PKIA: variants seen among roughly 807,000 people sequenced by gnomAD.
The protein encoded by PKIA is PKI-alpha.
A neutral mutation model predicts 7.6 loss-of-function variants in PKIA; 4 were observed. The observed-to-expected ratio is 0.52, with a 90% CI of 0.26 to 1.20. PKIA has a LOEUF of 1.20. Ranked by LOEUF, PKIA falls within the 50% of genes most tolerant of loss-of-function variation. PKIA has a pLI of 0.13. For synonymous variants in PKIA, 21 were observed against 30.7 expected, an observed-to-expected ratio of 0.68 and a Z score of 1.04; for missense variants, 73 against 86.2, an observed-to-expected ratio of 0.85 and a Z score of 0.61.
chr8:78,587,598 G>C (rs1475342456), intron 2 of PKIA, among the ~76,000 whole-genome samples: 1 of 152,054 alleles, frequency 6.6e-6, no homozygotes, highest in Non-Finnish European at 1.5e-5. Context: ...AAAAGCCCTA[G>C]CAAAAGGACA....
At chr8:78,542,495 A>T (rs1806717930) in intron 1 of PKIA, among the ~76,000 whole-genome samples, 1 of 152,186 alleles carries the variant, frequency 6.6e-6, no homozygotes, top group African/African-American at 2.4e-5. Flanking sequence ...TCAGAAATTA[A>T]GATATTGTAA....
intron 1 of PKIA, among the ~76,000 whole-genome samples, chr8:78,550,446 G>A (rs188023284): frequency 6.6e-6 from 1 of 152,124 alleles, no homozygotes; most frequent in Non-Finnish European, 1.5e-5. Context: ...AAGTGATCTT[G>A]AAAAAGGGTG....
intron 1 of PKIA, among the ~76,000 whole-genome samples, chr8:78,521,421 C>T (rs1463914076): frequency 6.6e-6 from 1 of 151,884 alleles, no homozygotes; most frequent in Non-Finnish European, 1.5e-5. Flanking sequence ...AGATTCTCAG[C>T]TGATACTTAA....
At chr8:78,569,448 A>G (rs1807497367) in intron 1 of PKIA, among the ~76,000 whole-genome samples, 1 of 152,150 alleles carries the variant, frequency 6.6e-6, no homozygotes. Context: ...TGTTGCCAGT[A>G]TGGTGTCAGC....
intron 1 of PKIA, among the ~76,000 whole-genome samples, chr8:78,565,650 C>A (rs1227213448): frequency 1.3e-5 from 2 of 151,876 alleles, no homozygotes; most frequent in African/African-American, 4.8e-5. Flanking sequence ...TTCTCTCTCC[C>A]TCTTTCTCTT....
chr8:78,575,069 AAGGGTT>A, intron 2 of PKIA, among the ~76,000 whole-genome samples: 1 of 152,098 alleles, frequency 6.6e-6, no homozygotes, highest in South Asian at 2.1e-4. Flanking sequence ...ATTAATGTCT[AAGGGTT>A]ATCTTCGGTA....
intron 2 of PKIA, among the ~76,000 whole-genome samples, chr8:78,575,698 C>A (rs1317315769): frequency 1.3e-5 from 2 of 151,944 alleles, no homozygotes; most frequent in South Asian, 2.1e-4. Flanking sequence ...ATGCCAAAAT[C>A]TTTTTCAAAG....
At chr8:78,591,250 T>C (rs1808086924) in intron 2 of PKIA, 1 of 152,678 alleles carries the variant, frequency 6.5e-6, no homozygotes. Context: ...AATCCATCGA[T>C]GTGGAACACT....
chr8:78,576,019 T>G (rs918743466), intron 2 of PKIA, among the ~76,000 whole-genome samples: 1 of 152,042 alleles, frequency 6.6e-6, no homozygotes, highest in Non-Finnish European at 1.5e-5. Flanking sequence ...TTTCGCTGTT[T>G]GCACGCATCC....
At chr8:78,598,188 T>C (rs1808272325) in intron 2 of PKIA, among the ~76,000 whole-genome samples, 170 bp from the exon 3 acceptor site, 2 of 151,018 alleles carry the variant, frequency 1.3e-5, no homozygotes, top group Admixed American at 1.3e-4. Context: ...AATATGTACA[T>C]TAAAGGTTCC....
At chr8:78,600,313 T>C (rs1190327430) in intron 3 of PKIA, among the ~76,000 whole-genome samples, 2 of 149,662 alleles carry the variant, frequency 1.3e-5, no homozygotes, top group Non-Finnish European at 2.9e-5. Context: ...TTCGTAAATG[T>C]TTCAGCTTCA....
At chr8:78,535,518 G>A (rs1287561083) in intron 1 of PKIA, 1 of 151,646 alleles carries the variant, frequency 6.6e-6, no homozygotes, top group African/African-American at 2.4e-5. Context: ...CTGGTTTGTG[G>A]TTCACATTTG....
intron 2 of PKIA, among the ~76,000 whole-genome samples, chr8:78,596,440 T>C (rs1004149544): frequency 1.4e-4 from 21 of 152,094 alleles, no homozygotes; most frequent in Admixed American, 9.2e-4. Context: ...GATTTCACCA[T>C]GTTGGTCAGG....
intron 1 of PKIA, among the ~76,000 whole-genome samples, chr8:78,549,503 T>C (rs1265267754): frequency 6.6e-5 from 10 of 151,990 alleles, no homozygotes; most frequent in Admixed American, 6.6e-4. Flanking sequence ...GTATAATTGA[T>C]TTAGAAATTC....
intron 1 of PKIA, among the ~76,000 whole-genome samples, chr8:78,541,951 C>T (rs1361252742): frequency 6.6e-6 from 1 of 151,918 alleles, no homozygotes; most frequent in Non-Finnish European, 1.5e-5. Context: ...GGGTGGATTA[C>T]TTGAGCCCAG....
chr8:78,563,897 G>A (rs1195614123), intron 1 of PKIA, among the ~76,000 whole-genome samples: 3 of 152,190 alleles, frequency 2.0e-5, no homozygotes, highest in Middle Eastern at 3.4e-3. Context: ...AATCTATAAG[G>A]AGTAGGTCGG....
rs184219960 is a variant in PKIA, at chr8:78,601,956, A to T, written c.*135A>T. 91 of 665,442 alleles carry T rather than the reference A, an allele frequency of 1.4e-4. 1 individual carries two copies. In the East Asian group the frequency reaches 2.1e-3, roughly 15 times the overall value. 41.2% of individuals were successfully genotyped at this position (665,442 alleles called of 1,614,324 possible). On this transcript the variant is annotated 3_prime_UTR_variant, in exon 4 of 4. Transcript: ENST00000396418. ...GCATTGCAGGAACCTGCTCATTATC[A>T]TGTTAAAAATGAGGGCAGAGGCTGT... is the stretch of plus-strand genomic sequence containing the variant.
At chr8:78,597,417 C>G (rs1453654805) in intron 2 of PKIA, among the ~76,000 whole-genome samples, 1 of 152,120 alleles carries the variant, frequency 6.6e-6, no homozygotes, top group African/African-American at 2.4e-5. Context: ...AGCTGTTTTT[C>G]TGGACTGGAA....
chr8:78,574,144 C>T lies in PKIA; in HGVS notation c.-28+1205C>T, dbSNP rs569783185. 2.6e-5 allele frequency among the ~76,000 whole-genome samples: 4 copies of T among 152,016 alleles called. No homozygotes were observed. In the East Asian group the frequency reaches 7.7e-4, roughly 29 times the overall value. On this transcript the variant is annotated intron_variant, in intron 2 of 3. Coordinates refer to ENST00000396418, the MANE Select transcript of PKIA (RefSeq NM_006823.4). ...TTTTCTTCAGATTTATAACTGATAA[C>T]AGTAATTGTACATATTTATGGGGTA...
Sources: allele counts gnomAD v4.1 joint callset (sites outside exome capture counted in the v4.1 genomes callset), GRCh38; gene constraint gnomAD v4.1.1; transcripts MANE v1.5; gene names NCBI Gene and HGNC (gene_info 2026-07-23, HGNC 2026-07-21).